The following ELN variants were observed in gnomAD, a reference collection of about 807,000 sequenced individuals.
ELN encodes the protein tropoelastin.
ELN carries 65 observed loss-of-function variants against 105.8 expected under a neutral mutation model. The observed-to-expected ratio is 0.61, with a 90% CI of 0.50 to 0.75. The LOEUF is 0.75. ELN is among the 30% of genes least tolerant of loss of function. The probability of loss-of-function intolerance (pLI) is 0.00; values close to 1 mark genes in which losing one functional copy is unlikely to be tolerated. For missense variants in ELN, 882 were observed against 969.4 expected, an observed-to-expected ratio of 0.91 and a Z score of 1.20; for synonymous variants, 368 against 389.2, an observed-to-expected ratio of 0.95 and a Z score of 0.64.
In ELN at chr7:74,063,159, C is replaced by T. The variant is rs1554685988; in HGVS notation, c.1793C>T (p.Ala598Val). ...TTCCCTCCTCTCCCCGCAGGAGCAGCAGTGCCTGGGGTCCTTGGAGGGCTC... is the reference window on the plus strand; with the variant it reads ...TTCCCTCCTCTCCCCGCAGGAGCAGTAGTGCCTGGGGTCCTTGGAGGGCTC... Reference protein sequence around the residue: ...AAAKAAKYGAAVPGVLGGLGA... With the variant: ...AAAKAAKYGAVVPGVLGGLGA... Residue 598 changes from alanine to valine, a missense_variant, in exon 27 of 33, where the codon GCA becomes GTA. Physicochemically the swap from Ala to Val is moderately conservative, Grantham distance 64. Transcript: ENST00000252034. This position sits in a 1 kb window ranked among gnomAD's most constrained non-coding sequence, Gnocchi z 4.1. The T allele has an allele frequency of 1.9e-6, 3 of 1,606,590 alleles. No individual in the cohort carries two copies. The highest frequency in any genetic ancestry group is 2.5e-6 in the Non-Finnish European group (3 of 1,177,690).
intron 17 of ELN, chr7:74,052,814 G>A: frequency 3.7e-6 from 1 of 269,938 alleles, no homozygotes; most frequent in Non-Finnish European, 6.8e-6. Flanking sequence ...AGGAAGGAAG[G>A]AAAAAGAAAA....
At chr7:74,035,184 C>G (rs1280499246) in intron 1 of ELN, among the ~76,000 whole-genome samples, 180 bp from the exon 2 acceptor site, 1 of 152,258 alleles carries the variant, frequency 6.6e-6, no homozygotes, top group Non-Finnish European at 1.5e-5. Flanking sequence ...AATGAGAACA[C>G]ACTTTGTAAA....
rs1008236555 is a variant in ELN at position 74,056,348 on chromosome 7, G to T, written c.1228G>T (p.Gly410Ter). Residue 410 changes from glycine to a stop codon, truncating the protein, a stop_gained, in exon 20 of 33, where the codon GGA (glycine) becomes TGA (stop). Transcript: ENST00000252034. LOFTEE classifies it high-confidence loss of function. ...GAGGFPGFGV[G>*]VGGIPGVAGV... ...TGGGGGCTTTCCCGGCTTTGGTGTC[G>T]GAGTCGGAGGTATCCCTGGAGTCGC... 6.2e-7 allele frequency: 1 copy of T among 1,613,566 alleles called. No individual in the cohort carries two copies. The highest frequency in any genetic ancestry group is 8.5e-7 in the Non-Finnish European group (1 of 1,179,598).
chr7:74,051,897 C>T, intron 16 of ELN, 27 bp from the exon 17 acceptor site: 1 of 1,614,122 alleles, frequency 6.2e-7, no homozygotes, highest in Non-Finnish European at 8.5e-7. Context: ...AGGGCAAGGA[C>T]CTCACCCTCT....
intron 1 of ELN, among the ~76,000 whole-genome samples, chr7:74,030,568 TA>T (rs1788449801): frequency 6.6e-6 from 1 of 152,020 alleles, no homozygotes; most frequent in Non-Finnish European, 1.5e-5. Context: ...TTACCTTTTT[TA>T]TTTTTTTTAA....
Position 74,041,208 on chromosome 7 carries a change from A to G in ELN, c.197-8A>G. The G allele has an allele frequency of 6.2e-7, 1 of 1,613,958 alleles. No homozygotes were observed. The highest frequency in any genetic ancestry group is 8.5e-7 in the Non-Finnish European group (1 of 1,179,872). On this transcript the variant is annotated splice_region_variant and splice_polypyrimidine_tract_variant and intron_variant, in intron 4 of 32. Transcript: ENST00000252034. The stretch of plus-strand genomic sequence containing the variant: ...GCCTACACTCCTGTCTCTGTTTCTT[A>G]TCCACAGTTCCCGGAGGGCTTGCGG...
At chr7:74,062,954 T>C (rs1797015349) in intron 26 of ELN, among the ~76,000 whole-genome samples, 199 bp from the exon 27 acceptor site, 1 of 152,068 alleles carries the variant, frequency 6.6e-6, no homozygotes, top group Admixed American at 6.5e-5. Context: ...TGAACTATGA[T>C]TGTACCACTG....
chr7:74,042,736 A>T (rs782404024), intron 6 of ELN, 30 bp downstream of exon 6: 1 of 1,609,918 alleles, frequency 6.2e-7, no homozygotes. Context: ...ACATGCCACA[A>T]GCCCTCTGGC....
rs782179794 is a variant in ELN at position 74,066,752 on chromosome 7, T to G, written c.2107T>G (p.Phe703Val). 1 of 1,613,644 alleles carries G rather than the reference T, an allele frequency of 6.2e-7. No homozygotes were observed. The highest frequency in any genetic ancestry group is 8.5e-7 in the Non-Finnish European group (1 of 1,179,720). Residue 703 changes from phenylalanine (F) to valine (V), a missense_variant, in exon 32 of 33, where the codon TTC becomes GTC. By Grantham distance (50) the Phe-to-Val change is conservative. Coordinates refer to ENST00000252034, the MANE Select transcript of ELN (RefSeq NM_000501.4). ...TGCAGGAGTGGCAGCAAGACCTGGCTTCGGATTGTCTCCCATTTTCCCAGG... is the reference window on the plus strand; with the variant it reads ...TGCAGGAGTGGCAGCAAGACCTGGCGTCGGATTGTCTCCCATTTTCCCAGG... ...PLGGVAARPG[F>V]GLSPIFPGGA...
rs138290585 is a variant in ELN at position 74,063,359 on chromosome 7, C to T, written c.1908C>T (p.Ala636=). ...CCGCAGCCAAAGCTGCTGCCAAAGC[C>T]GCCCAGTTTGGTGAGCACTGGGTGG... ...AAAAAKAAAK[A]AQFGLVGAAG... Residue 636 remains alanine (A), a synonymous_variant, in exon 28 of 33, where the codon GCC becomes GCT. Transcript: ENST00000252034. The surrounding 1 kb of genome is among the most constrained non-coding windows in gnomAD (Gnocchi z 4.1). The T allele has an allele frequency of 2.6e-5, 41 of 1,547,480 alleles. No homozygotes were observed. In the Middle Eastern group the frequency reaches 1.0e-3, roughly 38 times the overall value.
chr7:74,036,260 C>T (rs939150228), intron 2 of ELN, among the ~76,000 whole-genome samples: 3 of 151,926 alleles, frequency 2.0e-5, no homozygotes, highest in African/African-American at 7.3e-5. Context: ...CGCCACTGCA[C>T]TCCAGCCTGG....
chr7:74,036,073 A>G, intron 2 of ELN, among the ~76,000 whole-genome samples: 1 of 151,916 alleles, frequency 6.6e-6, no homozygotes, highest in Non-Finnish European at 1.5e-5. Context: ...GGCGGATCAC[A>G]AGGTCAGGAG....
At chr7:74,052,768 CAA>C (rs1794352847) in intron 17 of ELN, 1 of 152,266 alleles carries the variant, frequency 6.6e-6, no homozygotes, top group South Asian at 8.4e-5. Context: ...AAGGAAGAAA[CAA>C]AAGAGAGAAA....
intron 29 of ELN, among the ~76,000 whole-genome samples, 188 bp from the exon 30 acceptor site, chr7:74,065,506 C>T (rs1180989449): frequency 6.7e-6 from 1 of 149,612 alleles, no homozygotes; most frequent in Admixed American, 6.7e-5. Flanking sequence ...CCCAGCTGCT[C>T]AGGAGGCTGA....
chr7:74,037,827 T>TGGG, intron 4 of ELN, 88 bp downstream of exon 4: 2 of 1,554,436 alleles, frequency 1.3e-6, no homozygotes, highest in South Asian at 2.3e-5. Flanking sequence ...ACAAGGAAAC[T>TGGG]AGGAACAGGA....
intron 32 of ELN, 71 bp from the exon 33 acceptor site, chr7:74,068,586 G>C: frequency 6.3e-7 from 1 of 1,594,088 alleles, no homozygotes; most frequent in Non-Finnish European, 8.6e-7. Flanking sequence ...GAGTGGGTCA[G>C]AGCAGGCGGG....
intron 32 of ELN, 32 bp downstream of exon 32, chr7:74,066,808 C>T: frequency 5.0e-6 from 8 of 1,610,558 alleles, no homozygotes; most frequent in Non-Finnish European, 6.8e-6. Context: ...TGGGCCCTGC[C>T]CTGGAGCTGC....
intron 32 of ELN, among the ~76,000 whole-genome samples, 168 bp from the exon 33 acceptor site, chr7:74,068,489 T>C (rs1554690472): frequency 6.6e-6 from 1 of 152,190 alleles, no homozygotes; most frequent in African/African-American, 2.4e-5. Context: ...GCCCCATCTG[T>C]CCAGTGGAAG....
chr7:74,066,883 G>A (rs559164507), intron 32 of ELN, 107 bp downstream of exon 32: 1 of 1,252,396 alleles, frequency 8.0e-7, no homozygotes, highest in East Asian at 2.5e-5. Context: ...GCACCCAGGG[G>A]TGGACCCCAC....
Sources: allele counts gnomAD v4.1 joint callset (sites outside exome capture counted in the v4.1 genomes callset), GRCh38; gene constraint gnomAD v4.1.1; non-coding constraint Gnocchi (gnomAD v3.1); transcripts MANE v1.5; gene names NCBI Gene and HGNC (gene_info 2026-07-23, HGNC 2026-07-21).